The following LRRC7 variants were observed in gnomAD, a reference collection of about 807,000 sequenced individuals.
LRRC7 encodes the protein leucine-rich repeat-containing protein 7.
LRRC7 carries 23 observed loss-of-function variants against 175.7 expected under a neutral mutation model. The observed-to-expected ratio is 0.13, with a 90% confidence interval of 0.09 to 0.19. LRRC7 has a LOEUF of 0.19. Among genes scored for constraint, LRRC7 ranks in the 10% least tolerant of loss-of-function variants. LRRC7 has a pLI of 1.00. For synonymous variants in LRRC7, 685 were observed against 680.9 expected (o/e 1.01, Z -0.09); for missense variants, 1,354 against 1,904.7 (o/e 0.71, Z 5.38).
intron 23 of LRRC7, among the ~76,000 whole-genome samples, chr1:70,053,934 T>C (rs1660934596): frequency 6.6e-6 from 1 of 152,166 alleles, no homozygotes; most frequent in Non-Finnish European, 1.5e-5. Context: ...AGATATGCCA[T>C]TTACATTTAC....
chr1:69,764,722 TAGATAGAC>T (rs1286517282), intron 3 of LRRC7, among the ~76,000 whole-genome samples: 48 of 100,070 alleles, frequency 4.8e-4, no homozygotes, highest in Middle Eastern at 9.3e-3. Flanking sequence ...GGTAGGTAGA[TAGATAGAC>T]AGATAGATAG....
At chr1:69,772,097 G>A (rs1370214392) in intron 3 of LRRC7, among the ~76,000 whole-genome samples, 4 of 151,772 alleles carry the variant, frequency 2.6e-5, no homozygotes, top group Non-Finnish European at 4.4e-5. Flanking sequence ...TTCCAGCCTG[G>A]GCAACAAGAG....
At chr1:69,754,290 A>G (rs1402019697) in intron 2 of LRRC7, among the ~76,000 whole-genome samples, 3 of 152,130 alleles carry the variant, frequency 2.0e-5, no homozygotes, top group Admixed American at 2.0e-4. Context: ...AAACACAGGA[A>G]TAAATGCAAG....
At chr1:70,033,388 C>T (rs1366245896) in intron 18 of LRRC7, among the ~76,000 whole-genome samples, 1 of 152,118 alleles carries the variant, frequency 6.6e-6, no homozygotes, top group African/African-American at 2.4e-5. Context: ...CATAGTAGCA[C>T]CGCAGCAGAT....
chr1:70,052,206 A>C (rs1430936924), intron 22 of LRRC7, among the ~76,000 whole-genome samples: 1 of 152,018 alleles, frequency 6.6e-6, no homozygotes, highest in East Asian at 1.9e-4. Context: ...ACCATTGTAC[A>C]TCCCTCCACT....
In LRRC7 at chr1:70,018,644, CTGAG is replaced by C. The variant is rs1657169302; in HGVS notation, c.1321-70_1321-67del. ...CTTTTTCCCCCCAATGTTTATTTAT[CTGAG>C]TGAGACCAGACTATTGACTGTTATA... On this transcript the variant is annotated intron_variant, in intron 14 of 26. Coordinates refer to ENST00000651989, the MANE Select transcript of LRRC7 (RefSeq NM_001370785.2). 5 of 911,454 alleles carry C rather than the reference CTGAG, an allele frequency of 5.5e-6. No homozygotes were observed. In the South Asian group the frequency reaches 8.2e-5, roughly 15 times the overall value. The allele number at this position is 911,454 out of a possible 1,614,324, so 56.5% of individuals were successfully genotyped here. A position where few individuals can be genotyped will look rare whatever the true frequency, so the allele number is the denominator to read the frequency against.
In LRRC7 at chr1:70,136,659, C is replaced by T. The variant is rs654025; in HGVS notation, c.*14772C>T. Among the ~76,000 whole-genome samples, 112,667 of 150,898 alleles carry T rather than the reference C, an allele frequency of 0.75. 42,382 individuals are homozygous for T. The highest frequency in any genetic ancestry group is 0.83 in the African/African-American group (33,943 of 40,978). Reference sequence around the variant, plus strand: ...TGAGGAAAGAACACTGTATTGTCACCTTCTCTCACAGTTTAATAAAATGGC... The same window carrying T: ...TGAGGAAAGAACACTGTATTGTCACTTTCTCTCACAGTTTAATAAAATGGC... On this transcript the variant is annotated 3_prime_UTR_variant, in exon 27 of 27. Transcript: ENST00000651989.
At chr1:69,897,214 T>C (rs1017052583) in intron 7 of LRRC7, among the ~76,000 whole-genome samples, 1 of 152,158 alleles carries the variant, frequency 6.6e-6, no homozygotes, top group African/African-American at 2.4e-5. Flanking sequence ...TCAAATTTGA[T>C]TCCAGACAAT....
At chr1:69,878,307 A>G (rs1028495286) in intron 7 of LRRC7, among the ~76,000 whole-genome samples, 1 of 151,914 alleles carries the variant, frequency 6.6e-6, no homozygotes, top group African/African-American at 2.4e-5. Flanking sequence ...ATGCTCTTAA[A>G]TAGTGACAGA....
At chr1:69,607,578 T>C (rs927108113) in intron 1 of LRRC7, 11 of 152,126 alleles carry the variant, frequency 7.2e-5, no homozygotes, top group African/African-American at 2.4e-4. Flanking sequence ...ATGACTACTT[T>C]TGATTTATAA....
At chr1:69,975,708 T>C (rs1437314443) in intron 8 of LRRC7, among the ~76,000 whole-genome samples, 1 of 152,164 alleles carries the variant, frequency 6.6e-6, no homozygotes, top group Non-Finnish European at 1.5e-5. Context: ...TCAAGAAAAT[T>C]TGAGATCTTC....
At chr1:69,728,721 A>C (rs1667244353) in intron 2 of LRRC7, among the ~76,000 whole-genome samples, 1 of 152,224 alleles carries the variant, frequency 6.6e-6, no homozygotes, top group East Asian at 1.9e-4. Flanking sequence ...CTTCAACTTC[A>C]TTCATACTGT....
Position 70,016,546 on chromosome 1 carries a change from T to C in LRRC7, c.1320+12T>C, listed in dbSNP as rs777743832. Reference sequence around the variant, plus strand: ...TTTCTGACAATCAGGTAAAAGGTTTTATTGCCTGATTTATTTATTAAGATG... The same window carrying C: ...TTTCTGACAATCAGGTAAAAGGTTTCATTGCCTGATTTATTTATTAAGATG... On this transcript the variant is annotated intron_variant, in intron 14 of 26. Transcript: ENST00000651989. 1 of 1,539,806 alleles carries C rather than the reference T, an allele frequency of 6.5e-7. No individual in the cohort carries two copies. The highest frequency in any genetic ancestry group is 1.3e-5 in the South Asian group (1 of 79,438).
chr1:69,835,866 T>A (rs1287653617), intron 6 of LRRC7, among the ~76,000 whole-genome samples: 2 of 152,054 alleles, frequency 1.3e-5, no homozygotes, highest in South Asian at 2.1e-4. Flanking sequence ...ATTCTTAAGA[T>A]GTTTCCAATA....
At chr1:69,944,529 A>C (rs1396054082) in intron 8 of LRRC7, among the ~76,000 whole-genome samples, 1 of 152,110 alleles carries the variant, frequency 6.6e-6, no homozygotes, top group Non-Finnish European at 1.5e-5. Flanking sequence ...ATCCAAAAGC[A>C]TGATTGCTGG....
chr1:69,717,240 A>G (rs1355538875), intron 2 of LRRC7, among the ~76,000 whole-genome samples: 1 of 151,784 alleles, frequency 6.6e-6, no homozygotes, highest in Non-Finnish European at 1.5e-5. Flanking sequence ...AAAATTTTAT[A>G]GTAGTAGATA....
Position 70,121,961 on chromosome 1 carries a change from A to G in LRRC7, c.*74A>G. On this transcript the variant is annotated 3_prime_UTR_variant, in exon 27 of 27. Transcript: ENST00000651989. Reference sequence around the variant, plus strand: ...AAAATAAATTTATACATAGAAACAAATTTTGCCAATTGCTGGACCAATGGC... The same window carrying G: ...AAAATAAATTTATACATAGAAACAAGTTTTGCCAATTGCTGGACCAATGGC... 2 of 1,063,266 alleles carry G rather than the reference A, an allele frequency of 1.9e-6. No individual in the cohort carries two copies. The highest frequency in any genetic ancestry group is 5.0e-5 in the East Asian group (2 of 40,198). The allele number at this position is 1,063,266 out of a possible 1,614,324, so 65.9% of individuals were successfully genotyped here.
At chr1:69,798,738 T>C (rs1018886975) in intron 4 of LRRC7, among the ~76,000 whole-genome samples, 2 of 152,150 alleles carry the variant, frequency 1.3e-5, no homozygotes, top group African/African-American at 4.8e-5. Context: ...CTTTAAAATT[T>C]CAGTGAAGTG....
intron 7 of LRRC7, among the ~76,000 whole-genome samples, chr1:69,889,340 A>G (rs1318847776): frequency 2.0e-5 from 3 of 152,220 alleles, no homozygotes; most frequent in Admixed American, 1.3e-4. Context: ...TCTCTGTAGC[A>G]TGTGATGCTA....
Sources: allele counts gnomAD v4.1 joint callset (sites outside exome capture counted in the v4.1 genomes callset), GRCh38; gene constraint gnomAD v4.1.1; transcripts MANE v1.5; gene names NCBI Gene and HGNC (gene_info 2026-07-23, HGNC 2026-07-21).